RBM41: variants seen among roughly 807,000 people sequenced by gnomAD.
RBM41 encodes RNA-binding protein 41.
A neutral mutation model predicts 30.8 loss-of-function variants in RBM41; 14 were observed. That is an observed-to-expected ratio of 0.45 (90% CI 0.30 to 0.71). The LOEUF is 0.71. Among genes scored for constraint, RBM41 ranks in the 30% least tolerant of loss-of-function variants. RBM41 has a pLI of 0.08. For missense variants in RBM41, 276 were observed against 326.3 expected (o/e 0.85, Z 1.19); for synonymous variants, 120 against 110.1 (o/e 1.09, Z -0.56).
intron 4 of RBM41, 54 bp downstream of exon 4, chrX:107,115,298 G>T (rs1305406784): frequency 2.6e-6 from 3 of 1,143,802 alleles, no homozygotes; most frequent in Non-Finnish European, 3.6e-6. Context: ...ATGCCCTGCT[G>T]TTTAATCTTT....
chrX:107,059,555 CATG>C (rs1935610736), downstream of RBM41, among the ~76,000 whole-genome samples: 1 of 111,748 alleles, frequency 8.9e-6, no homozygotes, highest in Non-Finnish European at 1.9e-5. Flanking sequence ...TGACTGCCAA[CATG>C]ATATTTTATT....
intron 6 of RBM41, among the ~76,000 whole-genome samples, chrX:107,087,746 G>A (rs1436005445): frequency 9.0e-6 from 1 of 111,443 alleles, no homozygotes; most frequent in Non-Finnish European, 1.9e-5. Context: ...TGGGATTACA[G>A]GCACACACCA....
chrX:107,078,654 A>G (rs1363043452), intron 6 of RBM41, among the ~76,000 whole-genome samples: 2 of 111,467 alleles, frequency 1.8e-5, no homozygotes, highest in Admixed American at 9.5e-5. Context: ...AGTTTGTTGC[A>G]CAAGTTGTTC....
At chrX:107,081,051 C>A (rs1312733207) in intron 6 of RBM41, among the ~76,000 whole-genome samples, 4 of 111,737 alleles carry the variant, frequency 3.6e-5, no homozygotes, top group African/African-American at 9.7e-5. Context: ...TTGTTCCTTA[C>A]ATATATTGTA....
downstream of RBM41, among the ~76,000 whole-genome samples, chrX:107,058,870 C>T (rs143470007): frequency 3.6e-5 from 4 of 111,385 alleles, no homozygotes; most frequent in Admixed American, 3.8e-4. Context: ...TGTATCCTCA[C>T]ATGGCAGAGA....
Position 107,065,737 on chromosome X carries a change from G to C in RBM41, c.*1790C>G. On this transcript the variant is annotated 3_prime_UTR_variant, in exon 8 of 8. Transcript: ENST00000685964. ...CAGTTCTTTAGTACAAGACAGTTTTGCTTCCACTCAGCTTCTTCAACCTGT... is the reference window on the plus strand; with the variant it reads ...CAGTTCTTTAGTACAAGACAGTTTTCCTTCCACTCAGCTTCTTCAACCTGT... 6.9e-6 allele frequency: 8 copies of C among 1,154,410 alleles called. No homozygotes were observed. The highest frequency in any genetic ancestry group is 9.2e-6 in the Non-Finnish European group (8 of 866,633).
At chrX:107,052,216 T>C in the RBM41 span, among the ~76,000 whole-genome samples, 1 of 111,726 alleles carries the variant, frequency 9.0e-6, no homozygotes, top group African/African-American at 3.3e-5. Flanking sequence ...CTGGCTCGAA[T>C]GCCTGGGTTT....
chrX:107,093,929 A>G (rs1174501445), intron 5 of RBM41, among the ~76,000 whole-genome samples: 1 of 111,975 alleles, frequency 8.9e-6, no homozygotes, highest in Non-Finnish European at 1.9e-5. Flanking sequence ...TTAGGGAATG[A>G]AAAACAATTA....
At chrX:107,095,643 G>A (rs965480226) in intron 5 of RBM41, among the ~76,000 whole-genome samples, 3 of 110,429 alleles carry the variant, frequency 2.7e-5, no homozygotes, top group Non-Finnish European at 5.7e-5. Flanking sequence ...CTATATAATT[G>A]CATGCAACAA....
rs191385282 is a variant in RBM41 at position 107,073,272 on chromosome X, G to A, written c.1000-3870C>T. On this transcript the variant is annotated intron_variant, in intron 6 of 7. Coordinates refer to ENST00000685964, the MANE Select transcript of RBM41 (RefSeq NM_001324242.2). ...GGGATTAATATCCAGACTATACAAG[G>A]AATTCAACATCTTAACAGCATCAAA... 8.0e-4 allele frequency among the ~76,000 whole-genome samples: 89 copies of A among 111,780 alleles called. No individual in the cohort carries two copies. The South Asian group carries it at 0.013, about 17-fold the overall frequency.
intron 5 of RBM41, among the ~76,000 whole-genome samples, chrX:107,091,830 T>C (rs1164158520): frequency 1.8e-5 from 2 of 112,110 alleles, no homozygotes; most frequent in Non-Finnish European, 3.8e-5. Context: ...AGTTCCATGT[T>C]AATGTGTAGA....
intron 1 of RBM41, 116 bp from the exon 2 acceptor site, chrX:107,116,882 A>C: frequency 1.4e-6 from 1 of 703,961 alleles, no homozygotes; most frequent in Non-Finnish European, 2.0e-6. Flanking sequence ...ACACTTCTCC[A>C]ACAATTCATT....
At chrX:107,081,408 C>T (rs1392619629) in intron 6 of RBM41, among the ~76,000 whole-genome samples, 1 of 111,652 alleles carries the variant, frequency 9.0e-6, no homozygotes, top group Non-Finnish European at 1.9e-5. Context: ...AACACCACAC[C>T]ATGCTACTTG....
intron 5 of RBM41, among the ~76,000 whole-genome samples, chrX:107,093,650 T>C (rs1053372553): frequency 1.3e-4 from 14 of 111,651 alleles, no homozygotes; most frequent in African/African-American, 4.5e-4. Context: ...GAAGAATGGT[T>C]TCAAATTTAA....
chrX:107,057,936 C>T (rs1289067795), downstream of RBM41, among the ~76,000 whole-genome samples: 3 of 111,716 alleles, frequency 2.7e-5, no homozygotes, highest in Non-Finnish European at 5.6e-5. Flanking sequence ...AGAAAACATA[C>T]AAATTGCCAA....
At chrX:107,118,717 A>T (rs1439998113) in intron 1 of RBM41, 49 bp downstream of exon 1, 2 of 1,204,927 alleles carry the variant, frequency 1.7e-6, no homozygotes, top group African/African-American at 3.5e-5. Flanking sequence ...TCAAAAGAAA[A>T]GGTAGAACAA....
chrX:107,053,825 C>T, the RBM41 span, among the ~76,000 whole-genome samples: 1 of 112,049 alleles, frequency 8.9e-6, no homozygotes, highest in Middle Eastern at 4.7e-3. Flanking sequence ...GTCCAACAGA[C>T]AGTGGCTCCA....
At chrX:107,113,917 A>G (rs1924695953) in intron 4 of RBM41, among the ~76,000 whole-genome samples, 1 of 111,445 alleles carries the variant, frequency 9.0e-6, no homozygotes, top group Non-Finnish European at 1.9e-5. Context: ...AGTTCTATAT[A>G]TCTAGTTCTG....
At chrX:107,061,473 ATTTT>A (rs1048659768), downstream of RBM41, among the ~76,000 whole-genome samples, 6 of 111,482 alleles carry the variant, frequency 5.4e-5, no homozygotes, top group African/African-American at 2.0e-4. Context: ...TTTTTATTGG[ATTTT>A]TTTATGTATA....
Sources: allele counts gnomAD v4.1 joint callset (sites outside exome capture counted in the v4.1 genomes callset), GRCh38; gene constraint gnomAD v4.1.1; transcripts MANE v1.5; gene names NCBI Gene and HGNC (gene_info 2026-07-23, HGNC 2026-07-21).